ZNF248: variants seen among roughly 807,000 people sequenced by gnomAD.
ZNF248 encodes zinc finger protein 248.
ZNF248 carries 20 observed loss-of-function variants against 44.3 expected under a neutral mutation model. That is an observed-to-expected ratio of 0.45 (90% CI 0.32 to 0.66). The LOEUF (loss-of-function observed/expected upper bound fraction) is 0.66. Ranked by LOEUF, ZNF248 falls within the 30% of genes least tolerant of loss-of-function variation. The pLI is 0.04. For missense variants in ZNF248, 654 were observed against 677.0 expected (o/e 0.97, Z 0.38); for synonymous variants, 224 against 229.0 (o/e 0.98, Z 0.20).
the ZNF248 span, among the ~76,000 whole-genome samples, chr10:37,766,595 A>G: frequency 3.9e-5 from 6 of 152,236 alleles, no homozygotes; most frequent in African/African-American, 1.2e-4. Flanking sequence ...TAACAAACAG[A>G]AAGGACATCC....
At chr10:37,854,318 C>T (rs778042466) in intron 3 of ZNF248, among the ~76,000 whole-genome samples, 31 of 151,858 alleles carry the variant, frequency 2.0e-4, no homozygotes, top group Non-Finnish European at 4.3e-4. Context: ...AAATGATATA[C>T]CAAAAAATAA....
At chr10:37,847,723 T>A (rs2059555341) in intron 3 of ZNF248, among the ~76,000 whole-genome samples, 1 of 147,868 alleles carries the variant, frequency 6.8e-6, no homozygotes, top group East Asian at 1.9e-4. Flanking sequence ...TACTTACTGA[T>A]ATGTTTACAA....
downstream of ZNF248, among the ~76,000 whole-genome samples, chr10:37,828,409 G>T (rs186913178): frequency 6.6e-6 from 1 of 152,246 alleles, no homozygotes; most frequent in East Asian, 1.9e-4. Flanking sequence ...ACTTTCAATA[G>T]ATTACAGAGC....
intron 6 of ZNF248, among the ~76,000 whole-genome samples, chr10:37,817,275 T>G (rs117361378): frequency 0.015 from 2,311 of 152,182 alleles, 27 homozygotes; most frequent in South Asian, 0.025. Context: ...TGACTTTTAG[T>G]AGATTTTTCT....
At chr10:37,762,570 G>C in the ZNF248 span, among the ~76,000 whole-genome samples, 49 of 152,128 alleles carry the variant, frequency 3.2e-4, no homozygotes, top group Non-Finnish European at 6.3e-4. Flanking sequence ...ATTGGGGGAT[G>C]GGGGGTTAAG....
At chr10:37,774,746 G>C (rs187480223), downstream of ZNF248, among the ~76,000 whole-genome samples, 31 of 152,092 alleles carry the variant, frequency 2.0e-4, no homozygotes, top group African/African-American at 7.2e-4. Flanking sequence ...CTTCAGGCCA[G>C]GAAGTCTTTG....
chr10:37,790,737 T>TAA (rs2048415210), intron 6 of ZNF248, among the ~76,000 whole-genome samples: 2 of 148,742 alleles, frequency 1.3e-5, no homozygotes, highest in Non-Finnish European at 3.0e-5. Flanking sequence ...AATAAATAAT[T>TAA]TTTTAAAAAA....
chr10:37,775,641 G>A (rs192550137), downstream of ZNF248: 1 of 152,102 alleles, frequency 6.6e-6, no homozygotes. Context: ...ACTTCCTAAT[G>A]GTCAATTTCA....
Position 37,832,546 on chromosome 10 carries a change from T to G in ZNF248, c.809A>C (p.Tyr270Ser). ...SQRPHLEMEP[Y>S]GCSICGKSFC... is the part of the protein sequence containing the mutation. ...GGACTTCCCGCAAATACTGCATCCATACGGCTCCATTTCCAAATGAGGTCT... is the reference window on the plus strand; with the variant it reads ...GGACTTCCCGCAAATACTGCATCCAGACGGCTCCATTTCCAAATGAGGTCT... The change falls in exon 6 of 6, where the codon TAT becomes TCT. Residue 270 changes from tyrosine (Y) to serine (S), a missense_variant. By Grantham distance (144) the Tyr-to-Ser change is moderately radical. Coordinates refer to ENST00000395867, the MANE Select transcript of ZNF248 (RefSeq NM_021045.3). 6.2e-7 allele frequency: 1 copy of G among 1,613,936 alleles called. No homozygotes were observed. The highest frequency in any genetic ancestry group is 8.5e-7 in the Non-Finnish European group (1 of 1,179,916).
chr10:37,829,423 C>T lies in ZNF248; in HGVS notation c.*2192G>A. ...AAAGAACCATGGCTGATACAAACAGCCATCCCTATATTAACTTGTGAAAAG... is the reference window on the plus strand; with the variant it reads ...AAAGAACCATGGCTGATACAAACAGTCATCCCTATATTAACTTGTGAAAAG... On this transcript the variant is annotated 3_prime_UTR_variant, in exon 6 of 6. Transcript: ENST00000395867. 4 of 985,364 alleles carry T rather than the reference C, an allele frequency of 4.1e-6. No homozygotes were observed. Among genetic ancestry groups the T allele is most frequent in the South Asian group, 4.7e-5 (1 of 21,292 alleles). 61.0% of individuals were successfully genotyped at this position (985,364 alleles called of 1,614,324 possible). A position where few individuals can be genotyped will look rare whatever the true frequency, so the allele number is the denominator to read the frequency against.
rs1016908127 is a variant in ZNF248, at chr10:37,829,511, T to C, written c.*2104A>G. The C allele has an allele frequency of 6.1e-6, 6 of 983,900 alleles. No homozygotes were observed. The African/African-American group carries it at 7.0e-5, about 11-fold the overall frequency. The allele number at this position is 983,900 out of a possible 1,614,324, so 60.9% of individuals were successfully genotyped here. On this transcript the variant is annotated 3_prime_UTR_variant, in exon 6 of 6. Coordinates refer to ENST00000395867, the MANE Select transcript of ZNF248 (RefSeq NM_021045.3). ...ACACTTAGAAAAATATTCCTCTGTG[T>C]CAGCTGGAATGCCTTCAGCTCTAAG...
intron 6 of ZNF248, among the ~76,000 whole-genome samples, chr10:37,792,211 T>A (rs997549483): frequency 2.0e-5 from 3 of 152,166 alleles, no homozygotes; most frequent in African/African-American, 4.8e-5. Context: ...GTTGAGCCTG[T>A]CCTATGTGGC....
chr10:37,823,811 T>TGATCCA (rs1423235481), downstream of ZNF248, among the ~76,000 whole-genome samples: 1 of 152,066 alleles, frequency 6.6e-6, no homozygotes, highest in Non-Finnish European at 1.5e-5. Flanking sequence ...TGACCTAAGG[T>TGATCCA]GATCCACCCA....
At chr10:37,783,656 T>C (rs1205464070) in intron 6 of ZNF248, among the ~76,000 whole-genome samples, 1 of 152,138 alleles carries the variant, frequency 6.6e-6, no homozygotes, top group Non-Finnish European at 1.5e-5. Context: ...CATTAGGTGG[T>C]GTAATGGAAA....
At chr10:37,819,078 C>T (rs2053042031) in intron 6 of ZNF248, 5 of 793,216 alleles carry the variant, frequency 6.3e-6, no homozygotes, top group African/African-American at 1.7e-5. Flanking sequence ...TTCGAAAGAC[C>T]AAGCTCTGTA....
chr10:37,841,598 A>T (rs1340463257), intron 3 of ZNF248, among the ~76,000 whole-genome samples: 1 of 152,202 alleles, frequency 6.6e-6, no homozygotes, highest in African/African-American at 2.4e-5. Flanking sequence ...TTATATGGAT[A>T]CTCTGCCATC....
chr10:37,823,600 G>C (rs1285835027), intron 6 of ZNF248, among the ~76,000 whole-genome samples: 1 of 151,928 alleles, frequency 6.6e-6, no homozygotes, highest in African/African-American at 2.4e-5. Context: ...TTGAGACAGA[G>C]TCTCGCTCTG....
chr10:37,822,898 C>T (rs1009924943), intron 6 of ZNF248, among the ~76,000 whole-genome samples: 1 of 152,068 alleles, frequency 6.6e-6, no homozygotes, highest in African/African-American at 2.4e-5. Flanking sequence ...TTTACATGTT[C>T]TAAAAAATAC....
the ZNF248 span, among the ~76,000 whole-genome samples, chr10:37,769,302 G>A: frequency 0.013 from 1,978 of 152,114 alleles, 28 homozygotes; most frequent in Middle Eastern, 0.055. Flanking sequence ...TACCAAAGCC[G>A]AGCAGAAAAA....
Sources: allele counts gnomAD v4.1 joint callset (sites outside exome capture counted in the v4.1 genomes callset), GRCh38; gene constraint gnomAD v4.1.1; transcripts MANE v1.5; gene names NCBI Gene and HGNC (gene_info 2026-07-23, HGNC 2026-07-21).